Variants in DLGAP1 observed in about 807,000 individuals in gnomAD.
DLGAP1 encodes the protein disks large-associated protein 1.
Under a neutral mutation model 90.8 loss-of-function variants are expected in DLGAP1, and 11 were observed. The observed-to-expected ratio is 0.12, with a 90% CI of 0.08 to 0.20. The LOEUF (loss-of-function observed/expected upper bound fraction) is 0.20. DLGAP1 is among the 10% of genes least tolerant of loss of function. The pLI is 1.00. For missense variants in DLGAP1, 1,050 were observed against 1,333.8 expected (o/e 0.79, Z 3.31); for synonymous variants, 558 against 540.7 (o/e 1.03, Z -0.44).
intron 2 of DLGAP1, among the ~76,000 whole-genome samples, chr18:4,009,932 A>G (rs943202427): frequency 1.4e-4 from 21 of 152,204 alleles, no homozygotes; most frequent in Admixed American, 1.2e-3. Flanking sequence ...TTAGACTCCC[A>G]TATCTGGCTG....
chr18:3,536,485 A>G (rs544828752), intron 9 of DLGAP1, among the ~76,000 whole-genome samples: 2 of 152,188 alleles, frequency 1.3e-5, no homozygotes, highest in East Asian at 3.9e-4. Flanking sequence ...CTGCCTCCCA[A>G]AGTGCTGGGA....
At chr18:3,520,451 T>C (rs993419232) in intron 10 of DLGAP1, among the ~76,000 whole-genome samples, 6 of 152,202 alleles carry the variant, frequency 3.9e-5, no homozygotes, top group Admixed American at 3.9e-4. Flanking sequence ...CATGTAGAAT[T>C]CCTAACCTCC....
At chr18:3,918,251 T>C (rs1431817207) in intron 3 of DLGAP1, among the ~76,000 whole-genome samples, 1 of 152,220 alleles carries the variant, frequency 6.6e-6, no homozygotes, top group Non-Finnish European at 1.5e-5. Context: ...GTTATTCCAA[T>C]ATCGTGTCTG....
At chr18:3,816,855 T>C (rs959589729) in intron 4 of DLGAP1, among the ~76,000 whole-genome samples, 3 of 152,216 alleles carry the variant, frequency 2.0e-5, no homozygotes, top group Non-Finnish European at 2.9e-5. Flanking sequence ...AACTGAGCAA[T>C]TATAGTCCCG....
At chr18:4,239,516 ACTATAAAAATTGATTT>A (rs1240057755) in intron 1 of DLGAP1, among the ~76,000 whole-genome samples, 4 of 152,164 alleles carry the variant, frequency 2.6e-5, no homozygotes, top group Non-Finnish European at 5.9e-5. Context: ...TAAAAAGAAA[ACTATAAAAATTGATTT>A]CTTCTTTTTT....
chr18:3,980,990 C>T (rs759560343), intron 3 of DLGAP1, among the ~76,000 whole-genome samples: 1 of 152,178 alleles, frequency 6.6e-6, no homozygotes, highest in Non-Finnish European at 1.5e-5. Flanking sequence ...GACTTATGCC[C>T]TAAGGTCACT....
intron 2 of DLGAP1, among the ~76,000 whole-genome samples, chr18:4,014,357 G>C (rs1377162932): frequency 6.6e-6 from 1 of 152,080 alleles, no homozygotes; most frequent in East Asian, 1.9e-4. Flanking sequence ...CAACTTTTAA[G>C]GACAAGTCCA....
At chr18:3,646,732 G>A (rs1046795094) in intron 7 of DLGAP1, among the ~76,000 whole-genome samples, 7 of 152,000 alleles carry the variant, frequency 4.6e-5, no homozygotes, top group African/African-American at 1.7e-4. Context: ...AGACCATCCT[G>A]GCTAACACGG....
chr18:3,712,477 C>T (rs2061627113), intron 7 of DLGAP1, among the ~76,000 whole-genome samples: 1 of 152,322 alleles, frequency 6.6e-6, no homozygotes, highest in Admixed American at 6.5e-5. Flanking sequence ...CTGTTAACTC[C>T]CACAAGGCAC....
chr18:4,253,975 C>A (rs2078835303), intron 1 of DLGAP1, among the ~76,000 whole-genome samples: 1 of 152,182 alleles, frequency 6.6e-6, no homozygotes, highest in Non-Finnish European at 1.5e-5. Context: ...CCCTTACTTT[C>A]CCCATTCCTT....
intron 4 of DLGAP1, chr18:3,845,184 G>T (rs1189531807): frequency 6.2e-7 from 1 of 1,603,026 alleles, no homozygotes; most frequent in South Asian, 1.1e-5. Flanking sequence ...CAAGCACAAA[G>T]AAACGATTTA....
chr18:3,829,516 AC>A (rs965523728), intron 4 of DLGAP1, among the ~76,000 whole-genome samples: 2 of 151,952 alleles, frequency 1.3e-5, no homozygotes, highest in Non-Finnish European at 2.9e-5. Flanking sequence ...TGTATAGGGG[AC>A]TGTGGATCAG....
intron 3 of DLGAP1, among the ~76,000 whole-genome samples, chr18:3,973,823 A>C (rs959816786): frequency 1.3e-5 from 2 of 152,192 alleles, no homozygotes; most frequent in Non-Finnish European, 2.9e-5. Flanking sequence ...AGAGTCATGC[A>C]CAGTTGAACA....
At position 4,122,863 on chromosome 18, in the gene DLGAP1, TTC is replaced by T. The variant is rs1299927936; in HGVS notation, c.-159+28315_-159+28316del. On this transcript the variant is annotated intron_variant, in intron 2 of 12. Transcript: ENST00000315677. ...CTTGCCAAAGAGCAAAGGTTCTCCC[TTC>T]TCTTTCAGGAGGGAAGGGGAGATGG... Among the ~76,000 whole-genome samples, 25 of 152,254 alleles carry T rather than the reference TTC, an allele frequency of 1.6e-4. No homozygotes were observed. In the East Asian group the frequency reaches 4.1e-3, roughly 25 times the overall value.
At chr18:4,221,896 T>G (rs1378480733) in intron 1 of DLGAP1, among the ~76,000 whole-genome samples, 1 of 152,208 alleles carries the variant, frequency 6.6e-6, no homozygotes, top group Admixed American at 6.6e-5. Flanking sequence ...TAAGCAGCAT[T>G]TCAAATAGTT....
Position 3,534,662 on chromosome 18 carries a change from T to TTTCCTTCCTTCC in DLGAP1, c.2058-59_2058-48dup, listed in dbSNP as rs539319280. 1.9e-5 allele frequency: 27 copies of TTTCCTTCCTTCC among 1,407,158 alleles called. No homozygotes were observed. In the African/African-American group the frequency reaches 4.0e-4, roughly 21 times the overall value. 87.2% of individuals were successfully genotyped at this position (1,407,158 alleles called of 1,614,324 possible). On this transcript the variant is annotated intron_variant, in intron 9 of 12. Coordinates refer to ENST00000315677, the MANE Select transcript of DLGAP1 (RefSeq NM_004746.4). ...AATTTAGTTAGAGGATATTTCTTTC[T>TTTCCTTCCTTCC]TTCCTTCCTTCCTTCCTTCCTTCCT...
intron 3 of DLGAP1, among the ~76,000 whole-genome samples, chr18:3,906,884 G>A (rs566552274): frequency 1.3e-5 from 2 of 152,172 alleles, no homozygotes; most frequent in South Asian, 2.1e-4. Flanking sequence ...CTTTAAAAAC[G>A]ACAACCACCT....
chr18:3,551,981 T>C (rs2053504942), intron 9 of DLGAP1, among the ~76,000 whole-genome samples: 1 of 151,438 alleles, frequency 6.6e-6, no homozygotes, highest in Non-Finnish European at 1.5e-5. Context: ...TCTTTCTTTT[T>C]ATTTTTTGTA....
At chr18:4,092,302 C>T (rs931679895) in intron 2 of DLGAP1, among the ~76,000 whole-genome samples, 5 of 152,120 alleles carry the variant, frequency 3.3e-5, no homozygotes, top group Non-Finnish European at 4.4e-5. Context: ...ATAAGGCCGA[C>T]GGGAGTGGAG....
Sources: allele counts gnomAD v4.1 joint callset (sites outside exome capture counted in the v4.1 genomes callset), GRCh38; gene constraint gnomAD v4.1.1; transcripts MANE v1.5; gene names NCBI Gene and HGNC (gene_info 2026-07-23, HGNC 2026-07-21).